FRRS1: variants seen among roughly 807,000 people sequenced by gnomAD.
FRRS1 encodes ferric reductase 1.
A neutral mutation model predicts 70.7 loss-of-function variants in FRRS1; 51 were observed. The observed-to-expected ratio is 0.72, with a 90% confidence interval of 0.58 to 0.91. The LOEUF is 0.91. Among genes scored for constraint, FRRS1 ranks in the 40% least tolerant of loss-of-function variants. The pLI is 0.00. For synonymous variants in FRRS1, 225 were observed against 238.7 expected (o/e 0.94, Z 0.53); for missense variants, 672 against 726.0 (o/e 0.93, Z 0.86).
At chr1:99,711,353 A>G in intron 14 of FRRS1, 1 of 160,770 alleles carries the variant, frequency 6.2e-6, no homozygotes, top group Non-Finnish European at 1.4e-5. Context: ...TGTTTAGCTC[A>G]CATTTATAAG....
At position 99,705,097 on chromosome 1, in the gene FRRS1, A is replaced by G. The variant is rs2100888004; in HGVS notation, c.*3931T>C. On this transcript the variant is annotated 3_prime_UTR_variant, in exon 17 of 17. Coordinates refer to ENST00000646001, the MANE Select transcript of FRRS1 (RefSeq NM_001361041.2). Reference sequence around the variant, plus strand: ...AAACTAAAAGAGCACGTGGTAACACATGCCCACTGGGGCTTCAGCTGCAAA... The same window carrying G: ...AAACTAAAAGAGCACGTGGTAACACGTGCCCACTGGGGCTTCAGCTGCAAA... Among the ~76,000 whole-genome samples the G allele has an allele frequency of 6.6e-6, 1 of 152,358 alleles. No homozygotes were observed. Among genetic ancestry groups the G allele is most frequent in the Admixed American group, 6.5e-5 (1 of 15,302 alleles).
At chr1:99,743,020 C>T (rs1159464841) in intron 4 of FRRS1, among the ~76,000 whole-genome samples, 1 of 152,046 alleles carries the variant, frequency 6.6e-6, no homozygotes, top group Non-Finnish European at 1.5e-5. Flanking sequence ...AAAAATTAGA[C>T]TCCTGTCATA....
At chr1:99,710,103 G>C (rs1439148704) in intron 15 of FRRS1, among the ~76,000 whole-genome samples, 1 of 152,124 alleles carries the variant, frequency 6.6e-6, no homozygotes, top group Non-Finnish European at 1.5e-5. Context: ...AGCCACCCCA[G>C]GCTCTCCTAA....
At chr1:99,763,274 C>CCCCTATTTT (rs1025862108) in intron 1 of FRRS1, among the ~76,000 whole-genome samples, 4 of 151,672 alleles carry the variant, frequency 2.6e-5, no homozygotes, top group African/African-American at 9.7e-5. Flanking sequence ...TAAATGGGAC[C>CCCCTATTTT]CCCTATTTTT....
intron 7 of FRRS1, among the ~76,000 whole-genome samples, chr1:99,734,732 G>T (rs1655563071): frequency 6.6e-6 from 1 of 152,170 alleles, no homozygotes; most frequent in Non-Finnish European, 1.5e-5. Context: ...AATGGTAGGT[G>T]CTTTCCTAAC....
In FRRS1 at chr1:99,740,813, C is replaced by T. The variant is rs143942842; in HGVS notation, c.556G>A (p.Val186Ile). Residue 186 changes from valine (V) to isoleucine (I), a missense_variant, in exon 6 of 17, where the codon GTT (valine) becomes ATT (isoleucine). Val to Ile is a conservative substitution (Grantham distance 29). Transcript: ENST00000646001. ...CTTACTGGTTTGGTTAAGTGGGAAACGGGAGGTAACGTTGGCAAAGGTACT... is the reference window on the plus strand; with the variant it reads ...CTTACTGGTTTGGTTAAGTGGGAAATGGGAGGTAACGTTGGCAAAGGTACT... ...TVVPLPTLPP[V>I]SHLTKPFSAS... The T allele has an allele frequency of 8.6e-5, 139 of 1,611,450 alleles. No individual in the cohort carries two copies. The highest frequency in any genetic ancestry group is 1.1e-4 in the Non-Finnish European group (131 of 1,177,688).
intron 1 of FRRS1, among the ~76,000 whole-genome samples, chr1:99,751,731 A>C (rs1337811434): frequency 2.0e-5 from 3 of 152,172 alleles, no homozygotes; most frequent in Non-Finnish European, 4.4e-5. Flanking sequence ...TGCTGGTAAA[A>C]CCTATCTTGC....
intron 1 of FRRS1, among the ~76,000 whole-genome samples, chr1:99,760,768 G>C (rs1256661612): frequency 6.6e-6 from 1 of 152,070 alleles, no homozygotes; most frequent in East Asian, 1.9e-4. Flanking sequence ...TCCTGCCTCA[G>C]CCTCCCAAGT....
At chr1:99,750,558 C>A (rs1294635757) in intron 1 of FRRS1, among the ~76,000 whole-genome samples, 4 of 151,866 alleles carry the variant, frequency 2.6e-5, no homozygotes. Context: ...AAAAGAAATG[C>A]TAGAGATCAA....
intron 1 of FRRS1, among the ~76,000 whole-genome samples, chr1:99,756,600 C>A (rs182716479): frequency 6.6e-6 from 1 of 151,904 alleles, no homozygotes; most frequent in African/African-American, 2.4e-5. Flanking sequence ...AGAATTCAAT[C>A]AAAAATATTT....
At position 99,738,286 on chromosome 1, in the gene FRRS1, G is replaced by C; in HGVS notation, c.577-18C>G. Reference sequence around the variant, plus strand: ...GCACTGAACTAGAAAAATGACAGAGGAAAAAAAAATCTTAATTATCAAACA... The same window carrying C: ...GCACTGAACTAGAAAAATGACAGAGCAAAAAAAAATCTTAATTATCAAACA... On this transcript the variant is annotated intron_variant, in intron 6 of 16. Coordinates refer to ENST00000646001, the MANE Select transcript of FRRS1 (RefSeq NM_001361041.2). The C allele has an allele frequency of 6.6e-7, 1 of 1,524,782 alleles. No homozygotes were observed. Among genetic ancestry groups the C allele is most frequent in the South Asian group, 1.3e-5 (1 of 78,320 alleles). The allele number at this position is 1,524,782 out of a possible 1,614,324, so 94.5% of individuals were successfully genotyped here.
intron 9 of FRRS1, among the ~76,000 whole-genome samples, chr1:99,722,005 A>ATTT (rs1446408705): frequency 6.6e-6 from 1 of 151,276 alleles, no homozygotes; most frequent in African/African-American, 2.4e-5. Flanking sequence ...TATTTATTTT[A>ATTT]TTTTATTATT....
chr1:99,712,168 C>A lies in FRRS1; in HGVS notation c.1422-5G>T. 2 of 1,598,148 alleles carry A rather than the reference C, an allele frequency of 1.3e-6. No individual in the cohort carries two copies. Among genetic ancestry groups the A allele is most frequent in the Non-Finnish European group, 1.7e-6 (2 of 1,166,552 alleles). ...GTCCAGTTAAACATTTGCCTTCTACCAAAATAAGAACCAGTCAGTATTCTT... is the reference window on the plus strand; with the variant it reads ...GTCCAGTTAAACATTTGCCTTCTACAAAAATAAGAACCAGTCAGTATTCTT... On this transcript the variant is annotated splice_polypyrimidine_tract_variant and splice_region_variant and intron_variant, in intron 13 of 16. Coordinates refer to ENST00000646001, the MANE Select transcript of FRRS1 (RefSeq NM_001361041.2).
chr1:99,710,507 A>G, intron 15 of FRRS1, among the ~76,000 whole-genome samples: 1 of 152,228 alleles, frequency 6.6e-6, no homozygotes, highest in East Asian at 1.9e-4. Context: ...AGCTCTAGGC[A>G]TTCAGAGTTC....
At position 99,747,424 on chromosome 1, in the gene FRRS1, A is replaced by T; in HGVS notation, c.203T>A (p.Leu68Ter). ...FRPGDQIEVTLSGHPFKGFLL... is the reference protein window; with the variant it reads ...FRPGDQIEVT ...AAAGCCTTTAAATGGATGCCCTGAC[A>T]AAGTAACTGAGAAAAAGACAAAAGG... The change falls in exon 4 of 17, where the codon TTG becomes TAG. Residue 68 changes from leucine to a stop codon, truncating the protein, a stop_gained. Coordinates refer to ENST00000646001, the MANE Select transcript of FRRS1 (RefSeq NM_001361041.2). LOFTEE classifies it high-confidence loss of function. The T allele has an allele frequency of 6.2e-7, 1 of 1,609,024 alleles. No homozygotes were observed. The highest frequency in any genetic ancestry group is 8.5e-7 in the Non-Finnish European group (1 of 1,178,648).
chr1:99,740,315 A>G (rs1247482456), intron 6 of FRRS1, among the ~76,000 whole-genome samples: 1 of 152,234 alleles, frequency 6.6e-6, no homozygotes, highest in Non-Finnish European at 1.5e-5. Context: ...AACCTTGAAC[A>G]TGCAGGGTCT....
At chr1:99,743,461 A>T (rs889556523) in intron 4 of FRRS1, among the ~76,000 whole-genome samples, 9 of 152,240 alleles carry the variant, frequency 5.9e-5, no homozygotes, top group Non-Finnish European at 1.2e-4. Flanking sequence ...GAAATATTGA[A>T]AAAATTAAAA....
chr1:99,762,479 C>CTT (rs34305090), intron 1 of FRRS1, among the ~76,000 whole-genome samples: 26,293 of 139,884 alleles, frequency 0.19, 2,632 homozygotes, highest in East Asian at 0.26. Flanking sequence ...TTTTTTTTCC[C>CTT]TTTTTTTTTT....
At chr1:99,732,047 T>A (rs1420267806) in intron 7 of FRRS1, among the ~76,000 whole-genome samples, 1 of 152,200 alleles carries the variant, frequency 6.6e-6, no homozygotes, top group Non-Finnish European at 1.5e-5. Flanking sequence ...ACACAAAAAA[T>A]TTTAATACAA....
Sources: allele counts gnomAD v4.1 joint callset (sites outside exome capture counted in the v4.1 genomes callset), GRCh38; gene constraint gnomAD v4.1.1; transcripts MANE v1.5; gene names NCBI Gene and HGNC (gene_info 2026-07-23, HGNC 2026-07-21).